MUC5B: variants seen among roughly 807,000 people sequenced by gnomAD.
MUC5B encodes the protein mucin 5B, oligomeric mucus/gel-forming.
Under a neutral mutation model 376.9 loss-of-function variants are expected in MUC5B, and 116 were observed. That is an observed-to-expected ratio of 0.31 (90% CI 0.26 to 0.36). The LOEUF is 0.36. Among genes scored for constraint, MUC5B ranks in the 10% least tolerant of loss-of-function variants. The pLI, the probability that MUC5B is intolerant of heterozygous loss-of-function variation, is 1.00. For missense variants in MUC5B, 7,165 were observed against 7,769.9 expected, an observed-to-expected ratio of 0.92 and a Z score of 2.93; for synonymous variants, 3,517 against 3,390.9, an observed-to-expected ratio of 1.04 and a Z score of -1.29.
chr11:1,248,361 T>C lies in MUC5B; in HGVS notation c.11481T>C (p.Thr3827=). 6.2e-7 allele frequency: 1 copy of C among 1,603,848 alleles called. No individual in the cohort carries two copies. ...ATMSTATPSS[T]PETAHTSTVL... Reference sequence around the variant, plus strand: ...TGTCCACAGCCACACCCTCCTCCACTCCAGAGACTGCCCACACCTCCACAG... The same window carrying C: ...TGTCCACAGCCACACCCTCCTCCACCCCAGAGACTGCCCACACCTCCACAG... Residue 3827 remains threonine, a synonymous_variant, in exon 31 of 49, where the codon ACT becomes ACC. Coordinates refer to ENST00000529681, the MANE Select transcript of MUC5B (RefSeq NM_002458.3).
Position 1,233,177 on chromosome 11 carries a change from G to A in MUC5B, c.2230G>A (p.Gly744Ser), listed in dbSNP as rs199581050. The change falls in exon 18 of 49, where the codon GGC becomes AGC. Residue 744 changes from glycine to serine, a missense_variant. Transcript: ENST00000529681. ...CGCGGGCACCTTCCTCAATGACGCG[G>A]GCGCCTGTGTGCCCGCCCAGGAGTG... is the stretch of plus-strand genomic sequence containing the variant. ...CPAGTFLNDAGACVPAQECPC... is the reference protein window; with the variant it reads ...CPAGTFLNDASACVPAQECPC... The A allele has an allele frequency of 1.5e-3, 2,419 of 1,604,816 alleles. No individual in the cohort carries two copies. The highest frequency in any genetic ancestry group is 1.9e-3 in the Non-Finnish European group (2,201 of 1,178,828).
chr11:1,229,245 G>T lies in MUC5B; in HGVS notation c.1052G>T (p.Arg351Leu). 2 of 1,594,542 alleles carry T rather than the reference G, an allele frequency of 1.3e-6. No homozygotes were observed. The change falls in exon 9 of 49, where the codon CGC becomes CTC. Residue 351 changes from arginine to leucine, a missense_variant. Physicochemically the swap from Arg to Leu is moderately radical, Grantham distance 102. This residue lies in a region of MUC5B where 640 missense variants were observed against 733.0 expected (regional missense o/e 0.87). Coordinates refer to ENST00000529681, the MANE Select transcript of MUC5B (RefSeq NM_002458.3). Reference protein sequence around the residue: ...PCTDTCSNPQRAQLCEDHCVD... With the variant: ...PCTDTCSNPQLAQLCEDHCVD... The stretch of plus-strand genomic sequence containing the variant: ...ACGGACACCTGCTCCAACCCCCAGC[G>T]CGCGCAGCTCTGCGAGGACCACTGT...
In MUC5B at chr11:1,250,433, C is replaced by A. The variant is rs202019353; in HGVS notation, c.13553C>A (p.Thr4518Lys). ...CTGAGAAGCACAGCCACCACACCCA[C>A]AGCTACCAGCTTTACAGCCATCCCC... ...PALRSTATTP[T>K]ATSFTAIPSS... The change falls in exon 31 of 49, where the codon ACA (threonine) becomes AAA (lysine). Residue 4518 changes from threonine (T) to lysine (K), a missense_variant. By Grantham distance (78) the Thr-to-Lys change is moderately conservative. This residue lies in a region of MUC5B where 431 missense variants were observed against 390.4 expected (regional missense o/e 1.10). Coordinates refer to ENST00000529681, the MANE Select transcript of MUC5B (RefSeq NM_002458.3). 1.1e-5 allele frequency: 17 copies of A among 1,609,048 alleles called. No homozygotes were observed. Among genetic ancestry groups the A allele is most frequent in the Non-Finnish European group, 1.4e-5 (17 of 1,176,270 alleles).
At chr11:1,223,657 T>C (rs1861809784) in intron 1 of MUC5B, among the ~76,000 whole-genome samples, 5 of 152,034 alleles carry the variant, frequency 3.3e-5, no homozygotes, top group Admixed American at 3.3e-4. Context: ...CAGGTGAGGG[T>C]ACCACCCTCA....
Position 1,250,858 on chromosome 11 carries a change from G to T in MUC5B, c.13978G>T (p.Ala4660Ser). Residue 4660 changes from alanine to serine, a missense_variant, in exon 31 of 49, where the codon GCC (alanine) becomes TCC (serine). Ala to Ser is a moderately conservative substitution (Grantham distance 99). Around this residue, in one of 31 missense-constraint regions of MUC5B, gnomAD observed 730 missense variants for 592.7 expected, o/e 1.23. Transcript: ENST00000529681. Reference protein sequence around the residue: ...RVLTTTTTTVATGSMATPSSS... With the variant: ...RVLTTTTTTVSTGSMATPSSS... ...GCTGACCACCACCACCACAACTGTG[G>T]CCACTGGTTCTATGGCAACACCCTC... The T allele has an allele frequency of 6.2e-7, 1 of 1,605,508 alleles. No homozygotes were observed. The highest frequency in any genetic ancestry group is 1.1e-5 in the South Asian group (1 of 90,354).
chr11:1,246,841 T>A lies in MUC5B; in HGVS notation c.9961T>A (p.Ser3321Thr). 1 of 1,608,178 alleles carries A rather than the reference T, an allele frequency of 6.2e-7. No individual in the cohort carries two copies. The highest frequency in any genetic ancestry group is 8.5e-7 in the Non-Finnish European group (1 of 1,177,632). Residue 3321 changes from serine to threonine, a missense_variant, in exon 31 of 49, where the codon TCC (serine) becomes ACC (threonine). Transcript: ENST00000529681. Reference protein sequence around the residue: ...TTTTGFTATPSSSPGTALTPP... With the variant: ...TTTTGFTATPTSSPGTALTPP... ...AACCACGGGCTTCACAGCCACCCCC[T>A]CCTCCAGCCCAGGGACGGCACTCAC...
chr11:1,255,333 G>A (rs760508478), intron 36 of MUC5B, 50 bp from the exon 37 acceptor site: 46 of 1,378,082 alleles, frequency 3.3e-5, no homozygotes, highest in Non-Finnish European at 4.3e-5. Flanking sequence ...ACGCACGCAC[G>A]CAGCTCCCTG....
intron 13 of MUC5B, among the ~76,000 whole-genome samples, chr11:1,231,222 T>C (rs1016361855): frequency 6.6e-6 from 1 of 151,976 alleles, no homozygotes; most frequent in Non-Finnish European, 1.5e-5. Flanking sequence ...TCAGCCCCAC[T>C]CTCTCAGGGA....
Position 1,241,777 on chromosome 11 carries a change from C to A in MUC5B, c.4897C>A (p.Pro1633Thr). The A allele has an allele frequency of 6.2e-7, 1 of 1,612,346 alleles. No homozygotes were observed. The stretch of plus-strand genomic sequence containing the variant: ...CCAGGCCCTGTTCTCAACGCCGCAG[C>A]CTACGAGTAGCCCGGGGCTGACCAG... ...TTQALFSTPQPTSSPGLTRAP... is the reference protein window; with the variant it reads ...TTQALFSTPQTTSSPGLTRAP... The change falls in exon 31 of 49, where the codon CCT becomes ACT. Residue 1633 changes from proline (P) to threonine (T), a missense_variant. This residue lies in a region of MUC5B where 897 missense variants were observed against 779.6 expected (regional missense o/e 1.15). Coordinates refer to ENST00000529681, the MANE Select transcript of MUC5B (RefSeq NM_002458.3).
chr11:1,233,888 C>T (rs755250697), intron 19 of MUC5B, 40 bp downstream of exon 19: 54 of 1,542,500 alleles, frequency 3.5e-5, no homozygotes, highest in African/African-American at 8.2e-5. Flanking sequence ...TGCCCCGCCC[C>T]GCATCACCCC....
At position 1,243,326 on chromosome 11, in the gene MUC5B, C is replaced by A. The variant is rs199736721; in HGVS notation, c.6446C>A (p.Pro2149His). The change falls in exon 31 of 49, where the codon CCC becomes CAC. Residue 2149 changes from proline to histidine, a missense_variant. Physicochemically the swap from Pro to His is moderately conservative, Grantham distance 77. This residue lies in a region of MUC5B where 897 missense variants were observed against 779.6 expected (regional missense o/e 1.15). Transcript: ENST00000529681. The part of the protein sequence containing the change: ...TITATGSTTN[P>H]SSTPGTTPIP... The stretch of plus-strand genomic sequence containing the variant: ...ACGGCCACCGGCTCCACCACCAACC[C>A]CTCCTCAACTCCTGGGACAACTCCC... The A allele has an allele frequency of 1.1e-5, 17 of 1,557,622 alleles. No homozygotes were observed. The highest frequency in any genetic ancestry group is 1.5e-5 in the Non-Finnish European group (17 of 1,150,718).
In MUC5B at chr11:1,246,613, C is replaced by A; in HGVS notation, c.9733C>A (p.Leu3245Met). 1 of 1,613,354 alleles carries A rather than the reference C, an allele frequency of 6.2e-7. No homozygotes were observed. The highest frequency in any genetic ancestry group is 8.5e-7 in the Non-Finnish European group (1 of 1,179,622). Residue 3245 changes from leucine to methionine, a missense_variant, in exon 31 of 49, where the codon CTG becomes ATG. This residue lies in a region of MUC5B where 939 missense variants were observed against 770.6 expected (regional missense o/e 1.22). Coordinates refer to ENST00000529681, the MANE Select transcript of MUC5B (RefSeq NM_002458.3). ...CGTTACAGCCATCCCCTCTTCCTCC[C>A]TGGGCACCGCCTGGACCCGCCTATC... ...TSVTAIPSSSLGTAWTRLSQT... is the reference protein window; with the variant it reads ...TSVTAIPSSSMGTAWTRLSQT...
At position 1,240,240 on chromosome 11, in the gene MUC5B, G is replaced by A. The variant is rs755125181; in HGVS notation, c.3835G>A (p.Asp1279Asn). The change falls in exon 30 of 49, where the codon GAT becomes AAT. Residue 1279 changes from aspartate (D) to asparagine (N), a missense_variant. By Grantham distance (23) the Asp-to-Asn change is conservative. Around this residue, in one of 31 missense-constraint regions of MUC5B, gnomAD observed 517 missense variants for 545.3 expected, o/e 0.95. Transcript: ENST00000529681. ...CCAGGACGTCATCTACAACACCACC[G>A]ATGGGCTTGGCGCCTGCTTGATCGC... ...SYQDVIYNTTDGLGACLIAIC... is the reference protein window; with the variant it reads ...SYQDVIYNTTNGLGACLIAIC... 5 of 1,613,542 alleles carry A rather than the reference G, an allele frequency of 3.1e-6. No individual in the cohort carries two copies. Among genetic ancestry groups the A allele is most frequent in the East Asian group, 2.2e-5 (1 of 44,876 alleles).
chr11:1,231,357 GC>G, intron 13 of MUC5B, 65 bp from the exon 14 acceptor site: 1 of 1,520,588 alleles, frequency 6.6e-7, no homozygotes, highest in Non-Finnish European at 8.8e-7. Context: ...TGGATGCCCT[GC>G]CCCTCCAATC....
rs371217175 is a variant in MUC5B at position 1,246,476 on chromosome 11, C to T, written c.9596C>T (p.Thr3199Met). The change falls in exon 31 of 49, where the codon ACG becomes ATG. Residue 3199 changes from threonine (T) to methionine (M), a missense_variant. Transcript: ENST00000529681. ...TAGTLKVLTS[T>M]ATTPTVISSR... ...GGCACCCTCAAAGTGCTGACCAGCA[C>T]GGCCACCACACCCACAGTCATCAGC... 1.1e-4 allele frequency: 172 copies of T among 1,613,420 alleles called. 2 individuals carry two copies. The highest frequency in any genetic ancestry group is 3.7e-4 in the African/African-American group (28 of 74,804).
rs751172711 is a variant in MUC5B, at chr11:1,254,270, C to T, written c.15396C>T (p.Cys5132=). Residue 5132 remains cysteine (C), a synonymous_variant, in exon 34 of 49, where the codon TGC becomes TGT. Transcript: ENST00000529681. ...TASATAAAAR[C]PRALSIHYKS... is the part of the protein sequence containing the mutation. ...CTGCCACTGCCGCTGCCGCCCGCTG[C>T]CCCCGCGCCCTCAGCATCCACTACA... 1.9e-6 allele frequency: 3 copies of T among 1,611,628 alleles called. No homozygotes were observed. Among genetic ancestry groups the T allele is most frequent in the African/African-American group, 1.3e-5 (1 of 74,944 alleles).
At chr11:1,256,368 C>T (rs1259254541) in intron 38 of MUC5B, 143 bp downstream of exon 38, 1 of 615,642 alleles carries the variant, frequency 1.6e-6, no homozygotes, top group Non-Finnish European at 2.9e-6. Flanking sequence ...GGAAAACATC[C>T]CCTGCTGCTC....
intron 1 of MUC5B, among the ~76,000 whole-genome samples, chr11:1,224,835 G>A (rs1008216502): frequency 2.0e-5 from 3 of 152,136 alleles, no homozygotes; most frequent in Non-Finnish European, 4.4e-5. Context: ...CCGGCCCCTC[G>A]CTGAGCCCTG....
intron 25 of MUC5B, among the ~76,000 whole-genome samples, chr11:1,238,306 C>T (rs746559615): frequency 7.9e-5 from 12 of 152,178 alleles, no homozygotes; most frequent in Admixed American, 1.3e-4. Flanking sequence ...GATCAGGGGA[C>T]GAGGCTGACC....
Sources: gnomAD v4.1 joint callset for allele counts (sites outside exome capture counted in the v4.1 genomes callset) on GRCh38, gnomAD v4.1.1 for gene constraint, gnomAD v4.1.1 regional missense constraint, MANE v1.5 for transcripts, NCBI Gene and HGNC (gene_info 2026-07-23, HGNC 2026-07-21) for gene names.